METTL25: variants seen among roughly 807,000 people sequenced by gnomAD.
METTL25 encodes methyltransferase like 25, also known as probable methyltransferase-like protein 25.
In METTL25, 64 loss-of-function variants were observed where a neutral mutation model predicts 71.6. The observed-to-expected ratio is 0.89, with a 90% CI of 0.73 to 1.10. The LOEUF (loss-of-function observed/expected upper bound fraction) is 1.10. Among genes scored for constraint, METTL25 ranks in the 50% least tolerant of loss-of-function variants. The pLI is 0.00. For missense variants in METTL25, 807 were observed against 707.0 expected (o/e 1.14, Z -1.60); for synonymous variants, 287 against 250.3 (o/e 1.15, Z -1.38).
rs1229600393 is a variant in METTL25 at position 82,479,144 on chromosome 12, TAATAA to T, written c.*126_*130del. 1 of 630,308 alleles carries T rather than the reference TAATAA, an allele frequency of 1.6e-6. No individual in the cohort carries two copies. The highest frequency in any genetic ancestry group is 2.7e-6 in the Non-Finnish European group (1 of 364,356). 39.0% of individuals were successfully genotyped at this position (630,308 alleles called of 1,614,324 possible). On this transcript the variant is annotated 3_prime_UTR_variant, in exon 12 of 12. Coordinates refer to ENST00000248306, the MANE Select transcript of METTL25 (RefSeq NM_032230.3). The stretch of plus-strand genomic sequence containing the variant: ...TTAAATGACTGTTATGTATTTTAAA[TAATAA>T]AATAATGGCTAACAACAGAAGGTTA...
intron 11 of METTL25, among the ~76,000 whole-genome samples, 177 bp downstream of exon 11, chr12:82,477,529 A>G (rs898703212): frequency 6.6e-6 from 1 of 151,802 alleles, no homozygotes; most frequent in Non-Finnish European, 1.5e-5. Flanking sequence ...ACATATGTAC[A>G]ACAGATGTTT....
chr12:82,416,880 T>C (rs1888031901), intron 5 of METTL25, among the ~76,000 whole-genome samples: 1 of 152,160 alleles, frequency 6.6e-6, no homozygotes, highest in South Asian at 2.1e-4. Context: ...AGGCAATATT[T>C]TGAATATCAT....
At chr12:82,379,875 T>A (rs910527951) in intron 1 of METTL25, among the ~76,000 whole-genome samples, 3 of 152,164 alleles carry the variant, frequency 2.0e-5, no homozygotes, top group Non-Finnish European at 4.4e-5. Context: ...CTGATGGAGA[T>A]CTTGCACTCA....
chr12:82,407,923 G>A lies in METTL25; in HGVS notation c.1279+4793G>A, dbSNP rs1044234136. On this transcript the variant is annotated intron_variant, in intron 5 of 11. Coordinates refer to ENST00000248306, the MANE Select transcript of METTL25 (RefSeq NM_032230.3). ...ACACTCCATCTCCATTTTTCTCACT[G>A]TATCTTTGCTGTAGTAAAACAGAGA... 4.9e-5 allele frequency: 48 copies of A among 984,542 alleles called. No individual in the cohort carries two copies. The African/African-American group carries it at 8.2e-4, about 17-fold the overall frequency. The allele number at this position is 984,542 out of a possible 1,614,324, so 61.0% of individuals were successfully genotyped here. A position where few individuals can be genotyped will look rare whatever the true frequency, so the allele number is the denominator to read the frequency against.
At chr12:82,371,693 A>G (rs1883251567) in intron 1 of METTL25, among the ~76,000 whole-genome samples, 1 of 152,038 alleles carries the variant, frequency 6.6e-6, no homozygotes, top group Non-Finnish European at 1.5e-5. Flanking sequence ...TTCTCCTGAT[A>G]TCTGTGGCTG....
chr12:82,458,919 C>T (rs1891673904), intron 9 of METTL25, among the ~76,000 whole-genome samples: 1 of 152,096 alleles, frequency 6.6e-6, no homozygotes, highest in Non-Finnish European at 1.5e-5. Flanking sequence ...CGGAGAAGCA[C>T]TGATAAAGTT....
chr12:82,444,928 C>T (rs1890632149), intron 8 of METTL25, among the ~76,000 whole-genome samples: 1 of 152,152 alleles, frequency 6.6e-6, no homozygotes, highest in East Asian at 1.9e-4. Flanking sequence ...TATACAGTTA[C>T]CCTGGAACAA....
chr12:82,462,509 C>T (rs1891951757), intron 9 of METTL25, among the ~76,000 whole-genome samples: 1 of 151,998 alleles, frequency 6.6e-6, no homozygotes, highest in Non-Finnish European at 1.5e-5. Flanking sequence ...AATGTATATA[C>T]ATAAATATAC....
In METTL25 at chr12:82,427,333, A is replaced by G. The variant is rs976904628; in HGVS notation, c.1280-3560A>G. ...AACTCAATGGCTTATAGCGACAACA[A>G]TTATTTAGTATCTCTCATAGTTTCT... On this transcript the variant is annotated intron_variant, in intron 5 of 11. Transcript: ENST00000248306. Among the ~76,000 whole-genome samples the G allele has an allele frequency of 8.5e-5, 13 of 152,118 alleles. No homozygotes were observed. In the East Asian group the frequency reaches 1.6e-3, roughly 18 times the overall value.
chr12:82,461,254 TTA>T (rs1491481856), intron 9 of METTL25, among the ~76,000 whole-genome samples: 1 of 152,222 alleles, frequency 6.6e-6, no homozygotes, highest in African/African-American at 2.4e-5. Flanking sequence ...TACAAAACTG[TTA>T]TATATTTATT....
chr12:82,359,931 T>G (rs1294308520), intron 1 of METTL25, among the ~76,000 whole-genome samples: 1 of 152,232 alleles, frequency 6.6e-6, no homozygotes, highest in Non-Finnish European at 1.5e-5. Context: ...AAGTAATTGT[T>G]ATTGAAAAGT....
At chr12:82,404,805 A>T (rs143772405) in intron 5 of METTL25, among the ~76,000 whole-genome samples, 1 of 152,092 alleles carries the variant, frequency 6.6e-6, no homozygotes, top group South Asian at 2.1e-4. Context: ...TTAGCTGGCC[A>T]TGGTGGTGGA....
At position 82,416,449 on chromosome 12, in the gene METTL25, T is replaced by TG. The variant is rs1459965649; in HGVS notation, c.1279+13319_1279+13320insG. On this transcript the variant is annotated intron_variant, in intron 5 of 11. Transcript: ENST00000248306. ...TTTAATTATATTTATCATTTAGGTTTTTTTTTTTTTTTGAGACAGGGTCTC... is the reference window on the plus strand; with the variant it reads ...TTTAATTATATTTATCATTTAGGTTTGTTTTTTTTTTTTGAGACAGGGTCTC... Among the ~76,000 whole-genome samples the TG allele has an allele frequency of 1.9e-4, 29 of 149,558 alleles. 1 individual carries two copies. The highest frequency in any genetic ancestry group is 3.7e-4 in the Non-Finnish European group (25 of 67,286).
chr12:82,375,128 A>G (rs779914041), intron 1 of METTL25, among the ~76,000 whole-genome samples: 1 of 152,234 alleles, frequency 6.6e-6, no homozygotes, highest in Non-Finnish European at 1.5e-5. Context: ...AGCTGGGGAA[A>G]TAATGTATTG....
intron 1 of METTL25, among the ~76,000 whole-genome samples, chr12:82,379,422 A>G (rs1257632821): frequency 6.6e-6 from 1 of 152,202 alleles, no homozygotes; most frequent in Non-Finnish European, 1.5e-5. Flanking sequence ...ATTTGAATTT[A>G]TTATTCAGAA....
At chr12:82,374,483 C>T (rs1883603805) in intron 1 of METTL25, among the ~76,000 whole-genome samples, 2 of 152,000 alleles carry the variant, frequency 1.3e-5, no homozygotes, top group African/African-American at 4.8e-5. Flanking sequence ...TGTAGCTAGA[C>T]ACAGAGTGCT....
chr12:82,411,339 A>G (rs1297145410), intron 5 of METTL25, among the ~76,000 whole-genome samples: 5 of 152,060 alleles, frequency 3.3e-5, no homozygotes, highest in African/African-American at 9.7e-5. Context: ...AAAAGGGATT[A>G]TCAAGGATTA....
At chr12:82,387,857 C>G (rs1228161482) in intron 2 of METTL25, among the ~76,000 whole-genome samples, 1 of 152,064 alleles carries the variant, frequency 6.6e-6, no homozygotes, top group Non-Finnish European at 1.5e-5. Context: ...TTGGCACACT[C>G]AGGAGTTTAA....
At chr12:82,369,084 C>A (rs183581986) in intron 1 of METTL25, among the ~76,000 whole-genome samples, 1 of 152,268 alleles carries the variant, frequency 6.6e-6, no homozygotes, top group African/African-American at 2.4e-5. Context: ...TAATTTTGTT[C>A]ATGGTATCCT....
Sources: allele counts gnomAD v4.1 joint callset (sites outside exome capture counted in the v4.1 genomes callset), GRCh38; gene constraint gnomAD v4.1.1; transcripts MANE v1.5; gene names NCBI Gene and HGNC (gene_info 2026-07-23, HGNC 2026-07-21).